The following GBA2 variants were observed in gnomAD, a reference collection of about 807,000 sequenced individuals.
GBA2 encodes the protein non-lysosomal glucosylceramidase.
Under a neutral mutation model 112.9 loss-of-function variants are expected in GBA2, and 79 were observed. The observed-to-expected ratio is 0.70, with a 90% CI of 0.58 to 0.84. The LOEUF (loss-of-function observed/expected upper bound fraction) is 0.84. GBA2 is among the 40% of genes least tolerant of loss of function. The pLI is 0.00. For synonymous variants in GBA2, 403 were observed against 434.3 expected, an observed-to-expected ratio of 0.93 and a Z score of 0.90; for missense variants, 1,043 against 1,190.0, an observed-to-expected ratio of 0.88 and a Z score of 1.82.
rs1826339826 is a variant in GBA2 at position 35,737,990 on chromosome 9, C to G, written c.2313+47G>C. 12 of 1,596,250 alleles carry G rather than the reference C, an allele frequency of 7.5e-6. No individual in the cohort carries two copies. Among genetic ancestry groups the G allele is most frequent in the Non-Finnish European group, 1.0e-5 (12 of 1,168,986 alleles). On this transcript the variant is annotated intron_variant, in intron 15 of 16. Coordinates refer to ENST00000378103, the MANE Select transcript of GBA2 (RefSeq NM_020944.3). This position sits in a 1 kb window ranked among gnomAD's most constrained non-coding sequence, Gnocchi z 4.1. ...GTCTCATATACTTACTTCCCACCTC[C>G]AGGGAAAACCCATTTTTCTCTCTGG...
rs539078067 is a variant in GBA2 at position 35,744,061 on chromosome 9, G to A, written c.567+236C>T. ...GGTTGGGGCAGTGAGGTAGACAGGAGGCATTTACTAGAGAAATGCCAGATC... is the reference window on the plus strand; with the variant it reads ...GGTTGGGGCAGTGAGGTAGACAGGAAGCATTTACTAGAGAAATGCCAGATC... On this transcript the variant is annotated intron_variant, in intron 3 of 16. Transcript: ENST00000378103. Among the ~76,000 whole-genome samples, 3 of 152,248 alleles carry A rather than the reference G, an allele frequency of 2.0e-5. No individual in the cohort carries two copies. In the South Asian group the frequency reaches 6.2e-4, roughly 32 times the overall value.
In GBA2 at chr9:35,740,036, C is replaced by G. The variant is rs1356322601; in HGVS notation, c.1371G>C (p.Glu457Asp). 6.2e-7 allele frequency: 1 copy of G among 1,614,172 alleles called. No homozygotes were observed. Residue 457 changes from glutamate to aspartate, a missense_variant, in exon 8 of 17, where the codon GAG becomes GAC. Glu to Asp is a conservative substitution (Grantham distance 45, BLOSUM62 2). Transcript: ENST00000378103. The surrounding 1 kb of genome is among the most constrained non-coding windows in gnomAD (Gnocchi z 4.7). Reference protein sequence around the residue: ...YALCRYAEWEERISAWQSPVL... With the variant: ...YALCRYAEWEDRISAWQSPVL... ...CCGGGCTCTGCCAAGCTGAGATCCT[C>G]TCTTCCCACTCTGCGTATCGGCACA...
Position 35,738,818 on chromosome 9 carries a change from C to T in GBA2, c.1881G>A (p.Gln627=), listed in dbSNP as rs1826432048. 1 of 1,613,978 alleles carries T rather than the reference C, an allele frequency of 6.2e-7. No individual in the cohort carries two copies. Among genetic ancestry groups the T allele is most frequent in the Admixed American group, 1.7e-5 (1 of 60,008 alleles). Residue 627 remains glutamine (Q), a synonymous_variant, in exon 12 of 17, where the codon CAG becomes CAA. Transcript: ENST00000378103. ...CCGTGAGGTAATAGTCCCGATAAAC[C>T]TGCAGCACAAACTTCAGGTTCAGGT... ...WKDLNLKFVL[Q]VYRDYYLTGD... is the part of the protein sequence containing the mutation.
Position 35,737,304 on chromosome 9 carries a change from TATGCTCAGTGGCC to T in GBA2, c.2636_2648del (p.Arg879HisfsTer6). The T allele has an allele frequency of 6.2e-7, 1 of 1,614,106 alleles. No homozygotes were observed. The highest frequency in any genetic ancestry group is 8.5e-7 in the Non-Finnish European group (1 of 1,180,002). ...GTTGCAGGGCTAGCTGCATGGCCCA[TATGCTCAGTGGCC>T]GCATGTAGGCCAGTGAGCGGAACAC... On this transcript the variant is annotated frameshift_variant, in exon 17 of 17. Transcript: ENST00000378103. LOFTEE classifies it low-confidence loss of function (END_TRUNC). This position sits in a 1 kb window ranked among gnomAD's most constrained non-coding sequence, Gnocchi z 4.1.
intron 12 of GBA2, 60 bp from the exon 13 acceptor site, chr9:35,738,692 G>T: frequency 6.2e-7 from 1 of 1,603,372 alleles, no homozygotes; most frequent in Non-Finnish European, 8.5e-7. Flanking sequence ...AACCAGCTAG[G>T]CTCTTCCCAG....
chr9:35,738,611 T>G lies in GBA2; in HGVS notation c.1969A>C (p.Lys657Gln). 1.9e-6 allele frequency: 3 copies of G among 1,613,708 alleles called. No homozygotes were observed. The highest frequency in any genetic ancestry group is 1.7e-6 in the Non-Finnish European group (2 of 1,179,626). ...VCLAVMESEM[K>Q]FDKDHDGLIE... ...AGTCCATCATGGTCCTTGTCAAACT[T>G]CATTTCAGATTCCATCACAGCCTAG... The change falls in exon 13 of 17, where the codon AAG becomes CAG. Residue 657 changes from lysine (K) to glutamine (Q), a missense_variant. By Grantham distance (53) the Lys-to-Gln change is moderately conservative. Coordinates refer to ENST00000378103, the MANE Select transcript of GBA2 (RefSeq NM_020944.3).
In GBA2 at chr9:35,748,614, G is replaced by T. The variant is rs780000488; in HGVS notation, c.91C>A (p.Pro31Thr). The stretch of plus-strand genomic sequence containing the variant: ...TCCTTGGTGCCGCCAGTCTCTTCAG[G>T]GCAATAAACTTGTGGATCCTCTTTG... ...CAKEDPQVYC[P>T]EETGGTKDVQ... is the part of the protein sequence containing the mutation. Residue 31 changes from proline to threonine, a missense_variant, in exon 1 of 17, where the codon CCT (proline) becomes ACT (threonine). Transcript: ENST00000378103. The T allele has an allele frequency of 1.7e-5, 27 of 1,613,710 alleles. No homozygotes were observed. The highest frequency in any genetic ancestry group is 2.3e-5 in the Non-Finnish European group (27 of 1,179,706).
chr9:35,744,377 T>C lies in GBA2; in HGVS notation c.487A>G (p.Thr163Ala). ...PLGGIGGGTITRGWRGQFCRW... is the reference protein window; with the variant it reads ...PLGGIGGGTIARGWRGQFCRW... ...CAGAACTGGCCTCTCCAGCCACGGG[T>C]AATAGTGCCTCCCCCGATGCCACCC... The change falls in exon 3 of 17, where the codon ACC (threonine) becomes GCC (alanine). Residue 163 changes from threonine (T) to alanine (A), a missense_variant. Transcript: ENST00000378103. 6.2e-7 allele frequency: 1 copy of C among 1,612,242 alleles called. No individual in the cohort carries two copies. The highest frequency in any genetic ancestry group is 1.1e-5 in the South Asian group (1 of 91,022).
Position 35,744,370 on chromosome 9 carries a change from C to T in GBA2, c.494G>A (p.Gly165Asp). Residue 165 changes from glycine (G) to aspartate (D), a missense_variant, in exon 3 of 17, where the codon GGC becomes GAC. Physicochemically the swap from Gly to Asp is moderately conservative, Grantham distance 94. Coordinates refer to ENST00000378103, the MANE Select transcript of GBA2 (RefSeq NM_020944.3). ...GGIGGGTITR[G>D]WRGQFCRWQL... ...CCAACGACAGAACTGGCCTCTCCAG[C>T]CACGGGTAATAGTGCCTCCCCCGAT... 1 of 1,613,204 alleles carries T rather than the reference C, an allele frequency of 6.2e-7. No homozygotes were observed. The highest frequency in any genetic ancestry group is 8.5e-7 in the Non-Finnish European group (1 of 1,179,192).
At chr9:35,748,303 C>T (rs1157845305) in intron 1 of GBA2, 43 bp downstream of exon 1, 3 of 1,256,370 alleles carry the variant, frequency 2.4e-6, no homozygotes, top group African/African-American at 1.5e-5. Flanking sequence ...TGAGCTGGAA[C>T]AAAGTGAAGC....
intron 1 of GBA2, among the ~76,000 whole-genome samples, chr9:35,747,332 C>T (rs1482530714): frequency 3.9e-5 from 6 of 152,106 alleles, no homozygotes; most frequent in Non-Finnish European, 8.8e-5. Context: ...GATGCAAAAA[C>T]TTTTGGGGTC....
At position 35,741,075 on chromosome 9, in the gene GBA2, A is replaced by G; in HGVS notation, c.787-11T>C. The G allele has an allele frequency of 6.2e-7, 1 of 1,613,912 alleles. No homozygotes were observed. Among genetic ancestry groups the G allele is most frequent in the East Asian group, 2.2e-5 (1 of 44,878 alleles). On this transcript the variant is annotated splice_polypyrimidine_tract_variant and intron_variant, in intron 4 of 16. Coordinates refer to ENST00000378103, the MANE Select transcript of GBA2 (RefSeq NM_020944.3). The surrounding 1 kb of genome is among the most constrained non-coding windows in gnomAD (Gnocchi z 4.6). ...AGGCAGGCTGCTGTCCTGGGGGCAG[A>G]AGATTAGACTCAGACGGTCCCAGTA... is the stretch of plus-strand genomic sequence containing the variant.
Position 35,738,319 on chromosome 9 carries a change from C to T in GBA2, c.2110G>A (p.Ala704Thr). Residue 704 changes from alanine to threonine, a missense_variant, in exon 14 of 17, where the codon GCT (alanine) becomes ACT (threonine). Ala to Thr is a moderately conservative substitution (Grantham distance 58, BLOSUM62 0). Transcript: ENST00000378103. ...AAVAVMVQMA[A>T]LCGAQDIQDK... ...TGGATGTCCTGTGCCCCACACAGAGCAGCCATCTGGACCATCACAGCCACA... is the reference window on the plus strand; with the variant it reads ...TGGATGTCCTGTGCCCCACACAGAGTAGCCATCTGGACCATCACAGCCACA... The T allele has an allele frequency of 1.2e-6, 2 of 1,614,130 alleles. No individual in the cohort carries two copies. The highest frequency in any genetic ancestry group is 2.2e-5 in the South Asian group (2 of 91,078).
rs1827156702 is a variant in GBA2, at chr9:35,749,069, G to A, written c.-365C>T. The stretch of plus-strand genomic sequence containing the variant: ...CCCCGGGACGGGCCCGCAAGGCACC[G>A]CCCCCGGGACCTCGGCCCGGCCCCT... On this transcript the variant is annotated 5_prime_UTR_variant, in exon 1 of 17. Transcript: ENST00000378103. This position sits in a 1 kb window ranked among gnomAD's most constrained non-coding sequence, Gnocchi z 4.4. 9.8e-6 allele frequency: 2 copies of A among 204,936 alleles called. No homozygotes were observed. The allele number at this position is 204,936 out of a possible 1,614,324, so 12.7% of individuals were successfully genotyped here.
Position 35,741,237 on chromosome 9 carries a change from T to G in GBA2, c.787-173A>C. The G allele has an allele frequency of 1.5e-6, 1 of 688,744 alleles. No individual in the cohort carries two copies. The highest frequency in any genetic ancestry group is 2.4e-6 in the Non-Finnish European group (1 of 418,526). 42.7% of individuals were successfully genotyped at this position (688,744 alleles called of 1,614,324 possible). ...CAGGCAAGCTGCCTAGCAGGGAATA[T>G]AGAAGACCAGAACCAGTTGGGCGGT... is the stretch of plus-strand genomic sequence containing the variant. On this transcript the variant is annotated intron_variant, in intron 4 of 16. Coordinates refer to ENST00000378103, the MANE Select transcript of GBA2 (RefSeq NM_020944.3). The surrounding 1 kb of genome is among the most constrained non-coding windows in gnomAD (Gnocchi z 4.6).
chr9:35,738,024 CCT>C lies in GBA2; in HGVS notation c.2313+11_2313+12del. ...CCCATTTTTCTCTCTGGCTGCTCCT[CCT>C]CCTCTCTCACCTCAGTGTCTCCTTC... On this transcript the variant is annotated intron_variant, in intron 15 of 16. Transcript: ENST00000378103. 1 of 1,597,528 alleles carries C rather than the reference CCT, an allele frequency of 6.3e-7. No individual in the cohort carries two copies. The highest frequency in any genetic ancestry group is 8.6e-7 in the Non-Finnish European group (1 of 1,168,992).
intron 2 of GBA2, 38 bp downstream of exon 2, chr9:35,744,577 G>C (rs770768860): frequency 4.7e-6 from 6 of 1,272,794 alleles, no homozygotes; most frequent in Non-Finnish European, 2.3e-6. Context: ...TGGAGGCTAG[G>C]CCTTCTCTGA....
chr9:35,747,146 C>G (rs1827009687), intron 1 of GBA2, among the ~76,000 whole-genome samples: 1 of 152,138 alleles, frequency 6.6e-6, no homozygotes, highest in Non-Finnish European at 1.5e-5. Context: ...ATCAGTACCC[C>G]CCACTCTATC....
At chr9:35,739,521 G>T in intron 9 of GBA2, 102 bp from the exon 10 acceptor site, 3 of 1,290,208 alleles carry the variant, frequency 2.3e-6, no homozygotes, top group South Asian at 1.3e-5. Context: ...ATTGTTACTA[G>T]TCCACACCCA....
Sources: allele counts gnomAD v4.1 joint callset (sites outside exome capture counted in the v4.1 genomes callset), GRCh38; gene constraint gnomAD v4.1.1; non-coding constraint Gnocchi (gnomAD v3.1); transcripts MANE v1.5; gene names NCBI Gene and HGNC (gene_info 2026-07-23, HGNC 2026-07-21).